Variants in VPS13B observed in about 807,000 individuals in gnomAD.
VPS13B encodes intermembrane lipid transfer protein VPS13B.
Under a neutral mutation model 426.4 loss-of-function variants are expected in VPS13B, and 285 were observed. That is an observed-to-expected ratio of 0.67 (90% CI 0.61 to 0.74). VPS13B has a LOEUF of 0.74. VPS13B is among the 30% of genes least tolerant of loss of function. The pLI, the probability that VPS13B is intolerant of heterozygous loss-of-function variation, is 0.00. For missense variants in VPS13B, 4,537 were observed against 4,782.6 expected (o/e 0.95, Z 1.51); for synonymous variants, 1,676 against 1,676.4 (o/e 1.00, Z 0.01).
chr8:99,244,078 A>C (rs1817075457), intron 17 of VPS13B, among the ~76,000 whole-genome samples: 1 of 152,256 alleles, frequency 6.6e-6, no homozygotes, highest in African/African-American at 2.4e-5. Flanking sequence ...AATAATTCTA[A>C]GGTTAACATA....
In VPS13B at chr8:99,766,897, C is replaced by CAGA; in HGVS notation, c.7179_7181dup (p.Lys2394dup). On this transcript the variant is annotated inframe_insertion, in exon 40 of 62. Coordinates refer to ENST00000357162, the MANE Select transcript of VPS13B (RefSeq NM_152564.5). ...GCCGGATATCAATCTCGTGAATGAC[C>CAGA]AGAAGAAATTAGTATCTTCAGATCT... is the stretch of plus-strand genomic sequence containing the variant. The CAGA allele has an allele frequency of 6.2e-7, 1 of 1,613,944 alleles. No individual in the cohort carries two copies. The highest frequency in any genetic ancestry group is 8.5e-7 in the Non-Finnish European group (1 of 1,179,946).
intron 2 of VPS13B, among the ~76,000 whole-genome samples, chr8:99,020,121 G>A (rs1163680629): frequency 2.7e-5 from 4 of 150,498 alleles, no homozygotes; most frequent in Admixed American, 6.6e-5. Flanking sequence ...GAAGTGCTCC[G>A]TATCGTCACT....
chr8:99,463,835 GGCGTGC>G (rs1818959296), intron 23 of VPS13B, among the ~76,000 whole-genome samples: 1 of 152,086 alleles, frequency 6.6e-6, no homozygotes, highest in Non-Finnish European at 1.5e-5. Flanking sequence ...TGGGATTACA[GGCGTGC>G]ACCACCATGT....
At position 99,489,235 on chromosome 8, in the gene VPS13B, T is replaced by G. The variant is rs547139603; in HGVS notation, c.3870+7433T>G. Among the ~76,000 whole-genome samples the G allele has an allele frequency of 1.2e-4, 18 of 152,328 alleles. No individual in the cohort carries two copies. The East Asian group carries it at 2.5e-3, about 21-fold the overall frequency. On this transcript the variant is annotated intron_variant, in intron 25 of 61. Transcript: ENST00000357162. Reference sequence around the variant, plus strand: ...TTCTGAGGCCTCTGTGCTGTTCCATTGGTCTGTATCTCTGTTTTAGTACCA... The same window carrying G: ...TTCTGAGGCCTCTGTGCTGTTCCATGGGTCTGTATCTCTGTTTTAGTACCA...
In VPS13B at chr8:99,712,420, A is replaced by G. The variant is rs548578547; in HGVS notation, c.6455-4751A>G. 5.3e-5 allele frequency among the ~76,000 whole-genome samples: 8 copies of G among 152,340 alleles called. No individual in the cohort carries two copies. The South Asian group carries it at 1.7e-3, about 32-fold the overall frequency. On this transcript the variant is annotated intron_variant, in intron 36 of 61. Coordinates refer to ENST00000357162, the MANE Select transcript of VPS13B (RefSeq NM_152564.5). The stretch of plus-strand genomic sequence containing the variant: ...TCATTCCTGGACCAAATCAATCTCC[A>G]GAGAATATCAAACATAAAGTCCCAT...
rs1588104930 is a variant in VPS13B, at chr8:99,164,765, C to T, written c.2209-5274C>T. ...CTCTCTTTAACTTTCTGTGTCTGTC[C>T]CTCTTTCTCTCTGACTCCTTTTCTT... On this transcript the variant is annotated intron_variant, in intron 15 of 61. Coordinates refer to ENST00000357162, the MANE Select transcript of VPS13B (RefSeq NM_152564.5). Among the ~76,000 whole-genome samples the T allele has an allele frequency of 2.6e-5, 4 of 151,818 alleles. No homozygotes were observed. The South Asian group carries it at 6.3e-4, about 24-fold the overall frequency.
At chr8:99,863,234 G>T (rs1156563038) in intron 58 of VPS13B, among the ~76,000 whole-genome samples, 1 of 152,182 alleles carries the variant, frequency 6.6e-6, no homozygotes, top group Non-Finnish European at 1.5e-5. Flanking sequence ...TAGTATGGTA[G>T]CAAATGAACT....
At chr8:99,038,030 T>C (rs1842823587) in intron 2 of VPS13B, among the ~76,000 whole-genome samples, 1 of 152,092 alleles carries the variant, frequency 6.6e-6, no homozygotes, top group East Asian at 1.9e-4. Flanking sequence ...TGCTATATAC[T>C]GTTGCACTAT....
At chr8:99,225,127 T>C (rs1172912594) in intron 17 of VPS13B, among the ~76,000 whole-genome samples, 1 of 152,220 alleles carries the variant, frequency 6.6e-6, no homozygotes, top group African/African-American at 2.4e-5. Context: ...CTCTTTCTCC[T>C]GTGTTGCTTC....
chr8:99,444,376 C>T (rs1298479900), intron 23 of VPS13B, among the ~76,000 whole-genome samples: 4 of 152,268 alleles, frequency 2.6e-5, no homozygotes, highest in African/African-American at 4.8e-5. Flanking sequence ...GGATTACAGG[C>T]GTGAGCCACT....
At chr8:99,188,452 C>T (rs1303231090) in intron 16 of VPS13B, among the ~76,000 whole-genome samples, 3 of 152,002 alleles carry the variant, frequency 2.0e-5, no homozygotes, top group East Asian at 3.9e-4. Flanking sequence ...TTGTATGGAT[C>T]GAATACATTT....
At chr8:99,333,659 T>C (rs1810664306) in intron 19 of VPS13B, among the ~76,000 whole-genome samples, 1 of 151,894 alleles carries the variant, frequency 6.6e-6, no homozygotes, top group Non-Finnish European at 1.5e-5. Context: ...TCTACTTTCC[T>C]TCTGCTTCCT....
intron 22 of VPS13B, among the ~76,000 whole-genome samples, chr8:99,435,719 TG>T (rs1230888693): frequency 6.6e-6 from 1 of 152,186 alleles, no homozygotes; most frequent in Non-Finnish European, 1.5e-5. Flanking sequence ...AGTAATTAAT[TG>T]ATTTGGGGAA....
chr8:99,598,123 T>G (rs1189055892), intron 33 of VPS13B, among the ~76,000 whole-genome samples: 5 of 152,036 alleles, frequency 3.3e-5, no homozygotes, highest in African/African-American at 1.2e-4. Context: ...TTTGCTTAAG[T>G]CAGTGAGCAA....
At chr8:99,666,587 G>A (rs1172398508) in intron 35 of VPS13B, among the ~76,000 whole-genome samples, 5 of 152,038 alleles carry the variant, frequency 3.3e-5, no homozygotes, top group African/African-American at 9.7e-5. Flanking sequence ...ATGCAGAAAA[G>A]GCCTTTGACA....
At chr8:99,301,959 T>C (rs2133073995) in intron 19 of VPS13B, among the ~76,000 whole-genome samples, 1 of 152,246 alleles carries the variant, frequency 6.6e-6, no homozygotes, top group East Asian at 1.9e-4. Context: ...AATGTATTCT[T>C]TCTTGTGATT....
intron 40 of VPS13B, among the ~76,000 whole-genome samples, chr8:99,770,061 A>G (rs926000836): frequency 6.6e-6 from 1 of 152,130 alleles, no homozygotes; most frequent in Non-Finnish European, 1.5e-5. Flanking sequence ...CAGGAGGCTA[A>G]GGTGGGAGGA....
At position 99,212,195 on chromosome 8, in the gene VPS13B, G is replaced by C. The variant is rs1242767713; in HGVS notation, c.2515+19138G>C. Among the ~76,000 whole-genome samples, 10 of 152,330 alleles carry C rather than the reference G, an allele frequency of 6.6e-5. No individual in the cohort carries two copies. The Middle Eastern group carries it at 0.014, about 207-fold the overall frequency. Reference sequence around the variant, plus strand: ...GGCATGAGCCACCGCACCTGGCCCAGTCGTGCAATTTTGATGGAAGTGACT... The same window carrying C: ...GGCATGAGCCACCGCACCTGGCCCACTCGTGCAATTTTGATGGAAGTGACT... On this transcript the variant is annotated intron_variant, in intron 17 of 61. Coordinates refer to ENST00000357162, the MANE Select transcript of VPS13B (RefSeq NM_152564.5).
At chr8:99,682,971 T>C (rs556248198) in intron 35 of VPS13B, among the ~76,000 whole-genome samples, 2 of 152,244 alleles carry the variant, frequency 1.3e-5, no homozygotes, top group Non-Finnish European at 2.9e-5. Flanking sequence ...GATTTTCTCC[T>C]ATGTTTTCTT....
Sources: gnomAD v4.1 joint callset for allele counts (sites outside exome capture counted in the v4.1 genomes callset) on GRCh38, gnomAD v4.1.1 for gene constraint, MANE v1.5 for transcripts, NCBI Gene and HGNC (gene_info 2026-07-23, HGNC 2026-07-21) for gene names.